Variants in SAFB2 observed in about 807,000 individuals in gnomAD.
The protein encoded by SAFB2 is scaffold attachment factor B2.
A neutral mutation model predicts 100.6 loss-of-function variants in SAFB2; 32 were observed. The ratio of observed to expected loss-of-function variants is 0.32; its 90% CI spans 0.24 to 0.43. The LOEUF (loss-of-function observed/expected upper bound fraction) is 0.43, where lower values mean the gene tolerates loss of function less well. Ranked by LOEUF, SAFB2 falls within the 20% of genes least tolerant of loss-of-function variation. The pLI, the probability that SAFB2 is intolerant of heterozygous loss-of-function variation, is 1.00. For synonymous variants in SAFB2, 500 were observed against 439.4 expected (o/e 1.14, Z -1.72); for missense variants, 1,185 against 1,163.4 (o/e 1.02, Z -0.27).
chr19:5,591,480 A>AT, intron 17 of SAFB2: 1 of 347,910 alleles, frequency 2.9e-6, no homozygotes. Context: ...GGGTTTCACC[A>AT]TGTCGGCCAG....
intron 11 of SAFB2, among the ~76,000 whole-genome samples, chr19:5,602,185 G>A (rs2052672498): frequency 2.0e-5 from 3 of 151,982 alleles, no homozygotes; most frequent in Non-Finnish European, 4.4e-5. Context: ...TGGTCTTAAA[G>A]ATCTTAAGTT....
intron 10 of SAFB2, 23 bp from the exon 11 acceptor site, chr19:5,604,718 G>T (rs757996622): frequency 6.2e-7 from 1 of 1,613,854 alleles, no homozygotes; most frequent in Non-Finnish European, 8.5e-7. Flanking sequence ...AGACAGAAAT[G>T]ATGTGTGGCC....
At position 5,590,288 on chromosome 19, in the gene SAFB2, G is replaced by C. The variant is rs564496657; in HGVS notation, c.2515C>G (p.Pro839Ala). The change falls in exon 18 of 21, where the codon CCT becomes GCT. Residue 839 changes from proline to alanine, a missense_variant. Around this residue, in one of 3 missense-constraint regions of SAFB2, gnomAD observed 740 missense variants for 687.1 expected, o/e 1.08. Coordinates refer to ENST00000252542, the MANE Select transcript of SAFB2 (RefSeq NM_014649.3). ...GGCTCACCCACTAACCTGGGGGGAGGGGGCAGCCCCCGGCCTTCACTCAGC... is the reference window on the plus strand; with the variant it reads ...GGCTCACCCACTAACCTGGGGGGAGCGGGCAGCCCCCGGCCTTCACTCAGC... ...KRLSEGRGLP[P>A]PPRGGRDWGE... 6.3e-7 allele frequency: 1 copy of C among 1,598,436 alleles called. No individual in the cohort carries two copies. The highest frequency in any genetic ancestry group is 8.5e-7 in the Non-Finnish European group (1 of 1,173,642).
At chr19:5,597,839 C>T (rs537319370) in intron 13 of SAFB2, among the ~76,000 whole-genome samples, 1 of 152,232 alleles carries the variant, frequency 6.6e-6, no homozygotes, top group East Asian at 1.9e-4. Context: ...ATTTTAAAAA[C>T]TAAGTCTTGG....
chr19:5,598,716 T>C, intron 13 of SAFB2, 77 bp downstream of exon 13: 2 of 1,363,026 alleles, frequency 1.5e-6, no homozygotes, highest in Non-Finnish European at 2.1e-6. Flanking sequence ...CAGTGCTGTT[T>C]TCATAATGCG....
At chr19:5,598,047 G>A (rs1042869709) in intron 13 of SAFB2, among the ~76,000 whole-genome samples, 2 of 150,516 alleles carry the variant, frequency 1.3e-5, no homozygotes, top group Non-Finnish European at 1.5e-5. Flanking sequence ...TGAGGCAGGA[G>A]TCGCTTGAAC....
At chr19:5,610,803 T>C in intron 7 of SAFB2, 115 bp from the exon 8 acceptor site, 1 of 814,960 alleles carries the variant, frequency 1.2e-6, no homozygotes, top group Non-Finnish European at 1.9e-6. Context: ...TGAAATAAAA[T>C]TTTAACAGAC....
At chr19:5,609,966 T>C (rs748125737) in intron 9 of SAFB2, 29 bp downstream of exon 9, 3 of 1,579,814 alleles carry the variant, frequency 1.9e-6, no homozygotes, top group South Asian at 2.2e-5. Context: ...TGAATCACAG[T>C]GGATGGTATG....
chr19:5,610,324 G>A, intron 8 of SAFB2: 1 of 592,326 alleles, frequency 1.7e-6, no homozygotes, highest in South Asian at 2.1e-5. Context: ...GTTATGAACT[G>A]AAATGTCTTT....
intron 4 of SAFB2, 137 bp downstream of exon 4, chr19:5,615,995 T>C (rs924765839): frequency 6.8e-6 from 5 of 732,554 alleles, no homozygotes; most frequent in African/African-American, 1.8e-5. Flanking sequence ...TAAATGGACA[T>C]GGTTTAACAC....
At chr19:5,609,051 C>CA (rs60419324) in intron 9 of SAFB2, among the ~76,000 whole-genome samples, 903 of 72,030 alleles carry the variant, frequency 0.013, 1 homozygote, top group Middle Eastern at 0.019. Flanking sequence ...GACGCAGTCT[C>CA]AAAAAAAAAA....
intron 9 of SAFB2, among the ~76,000 whole-genome samples, chr19:5,606,722 A>T (rs2052781863): frequency 6.6e-6 from 1 of 152,240 alleles, no homozygotes; most frequent in Non-Finnish European, 1.5e-5. Flanking sequence ...ACAAAGATTA[A>T]ATTAACCTAG....
At chr19:5,609,811 A>G (rs1395540448) in intron 9 of SAFB2, among the ~76,000 whole-genome samples, 184 bp downstream of exon 9, 2 of 151,932 alleles carry the variant, frequency 1.3e-5, no homozygotes, top group African/African-American at 2.4e-5. Context: ...CTGTCGTTCC[A>G]TTTTTTAGTA....
chr19:5,611,883 T>C, intron 6 of SAFB2: 1 of 629,762 alleles, frequency 1.6e-6, no homozygotes, highest in Non-Finnish European at 2.9e-6. Context: ...ACCACGCGGC[T>C]GGTTCTCAAT....
chr19:5,592,283 G>C (rs761709262), intron 16 of SAFB2, among the ~76,000 whole-genome samples: 1 of 152,156 alleles, frequency 6.6e-6, no homozygotes, highest in African/African-American at 2.4e-5. Flanking sequence ...TCTTACACTG[G>C]AAAACCAAGG....
At chr19:5,615,221 G>T (rs1025296304) in intron 4 of SAFB2, among the ~76,000 whole-genome samples, 1 of 152,216 alleles carries the variant, frequency 6.6e-6, no homozygotes, top group African/African-American at 2.4e-5. Flanking sequence ...TGGGCGTGGT[G>T]GCGCATGCCT....
At chr19:5,610,437 T>C (rs969794025) in intron 8 of SAFB2, 51 of 610,028 alleles carry the variant, frequency 8.4e-5, no homozygotes, top group South Asian at 5.7e-4. Flanking sequence ...CACCATCCCA[T>C]AGATGACAAC....
At position 5,590,136 on chromosome 19, in the gene SAFB2, G is replaced by A. The variant is rs534093768; in HGVS notation, c.2525+142C>T. 8.7e-6 allele frequency: 6 copies of A among 686,734 alleles called. No homozygotes were observed. In the South Asian group the frequency reaches 1.5e-4, roughly 17 times the overall value. 42.5% of individuals were successfully genotyped at this position (686,734 alleles called of 1,614,324 possible). A position where few individuals can be genotyped will look rare whatever the true frequency, so the allele number is the denominator to read the frequency against. On this transcript the variant is annotated intron_variant, in intron 18 of 20. Coordinates refer to ENST00000252542, the MANE Select transcript of SAFB2 (RefSeq NM_014649.3). ...GAGAACCTGGACTTTCTGAGTCAGGGGTTTCAAATGGCAGGACCCCTGGTA... is the reference window on the plus strand; with the variant it reads ...GAGAACCTGGACTTTCTGAGTCAGGAGTTTCAAATGGCAGGACCCCTGGTA...
chr19:5,593,649 C>A, intron 15 of SAFB2: 1 of 446,008 alleles, frequency 2.2e-6, no homozygotes, highest in Non-Finnish European at 3.9e-6. Flanking sequence ...AAGTGGCAGC[C>A]ATCAAGTTTC....
Sources: gnomAD v4.1 joint callset for allele counts (sites outside exome capture counted in the v4.1 genomes callset) on GRCh38, gnomAD v4.1.1 for gene constraint, gnomAD v4.1.1 regional missense constraint, MANE v1.5 for transcripts, NCBI Gene and HGNC (gene_info 2026-07-23, HGNC 2026-07-21) for gene names.